The following PHF19 variants were observed in gnomAD, a reference collection of about 807,000 sequenced individuals.
The protein encoded by PHF19 is PHD finger protein 19.
PHF19 carries 21 observed loss-of-function variants against 79.8 expected under a neutral mutation model. The observed-to-expected ratio is 0.26, with a 90% confidence interval of 0.19 to 0.38. The LOEUF is 0.38. Among genes scored for constraint, PHF19 ranks in the 10% least tolerant of loss-of-function variants. The probability of loss-of-function intolerance (pLI) is 1.00; values close to 1 mark genes in which losing one functional copy is unlikely to be tolerated. For synonymous variants in PHF19, 273 were observed against 296.3 expected, an observed-to-expected ratio of 0.92 and a Z score of 0.81; for missense variants, 445 against 744.2, an observed-to-expected ratio of 0.60 and a Z score of 4.68.
chr9:120,873,671 G>T (rs2045967567), intron 3 of PHF19, among the ~76,000 whole-genome samples: 1 of 152,238 alleles, frequency 6.6e-6, no homozygotes, highest in South Asian at 2.1e-4. Flanking sequence ...CAGCTGTAGT[G>T]CAGCCAGGAA....
chr9:120,871,687 ATT>A (rs538026071), intron 3 of PHF19, among the ~76,000 whole-genome samples: 1 of 152,212 alleles, frequency 6.6e-6, no homozygotes, highest in Non-Finnish European at 1.5e-5. Flanking sequence ...CATTAAACAC[ATT>A]TTGATACGTG....
intron 14 of PHF19, 99 bp downstream of exon 14, chr9:120,859,991 A>G (rs2045471423): frequency 2.8e-6 from 2 of 710,632 alleles, no homozygotes; most frequent in South Asian, 1.5e-5. Context: ...AGACTGAGAC[A>G]CATAGAATGA....
At chr9:120,903,966 A>C in the PHF19 span, 1 of 152,254 alleles carries the variant, frequency 6.6e-6, no homozygotes, top group Admixed American at 6.5e-5. Context: ...GAAAACTTCG[A>C]AAGAGATTCT....
upstream of PHF19, among the ~76,000 whole-genome samples, chr9:120,880,397 A>G (rs951355639): frequency 6.6e-6 from 1 of 152,202 alleles, no homozygotes; most frequent in African/African-American, 2.4e-5. Context: ...TGGGAGGCTG[A>G]GACAGGAGAA....
intron 1 of PHF19, among the ~76,000 whole-genome samples, chr9:120,894,598 C>G (rs559127042): frequency 6.6e-5 from 10 of 152,062 alleles, no homozygotes; most frequent in Non-Finnish European, 1.2e-4. Flanking sequence ...GGCGCGCAGG[C>G]CCCGGCTGCC....
At chr9:120,889,486 C>A (rs1025142482) in intron 1 of PHF19, among the ~76,000 whole-genome samples, 1 of 149,224 alleles carries the variant, frequency 6.7e-6, no homozygotes, top group Non-Finnish European at 1.5e-5. Context: ...CCTGTAATTC[C>A]AGCACAGGAA....
At chr9:120,894,416 T>C (rs1395956306) in intron 1 of PHF19, among the ~76,000 whole-genome samples, 1 of 152,218 alleles carries the variant, frequency 6.6e-6, no homozygotes, top group Non-Finnish European at 1.5e-5. Flanking sequence ...CTCACATGTT[T>C]CCATTACTTT....
At chr9:120,888,228 G>C (rs189036278) in intron 1 of PHF19, among the ~76,000 whole-genome samples, 101 of 152,190 alleles carry the variant, frequency 6.6e-4, no homozygotes, top group Non-Finnish European at 1.1e-3. Flanking sequence ...TGCCCATCTC[G>C]GCCTCCCAAA....
Position 120,860,125 on chromosome 9 carries a change from A to G in PHF19, c.1365T>C (p.Ser455=). 6.2e-7 allele frequency: 1 copy of G among 1,600,908 alleles called. No homozygotes were observed. ...AGGAGAGGCTGGTGGAGGCAGAGCC[A>G]GAGGTGCTGGCAGCGTCGGTGGAGT... ...DVDSTDAAST[S]GSASTSLSYD... The change falls in exon 14 of 15, where the codon TCT becomes TCC. Residue 455 remains serine (S), a synonymous_variant. Transcript: ENST00000373896. This position sits in a 1 kb window ranked among gnomAD's most constrained non-coding sequence, Gnocchi z 4.1.
At chr9:120,887,979 C>G (rs1454902953) in intron 1 of PHF19, among the ~76,000 whole-genome samples, 1 of 151,802 alleles carries the variant, frequency 6.6e-6, no homozygotes, top group Admixed American at 6.6e-5. Flanking sequence ...TCTCTTGATT[C>G]CTTGTCCTCT....
intron 1 of PHF19, 182 bp downstream of exon 1, chr9:120,876,909 G>T: frequency 1.1e-6 from 1 of 923,780 alleles, no homozygotes; most frequent in Non-Finnish European, 1.3e-6. Flanking sequence ...CCCGGGTGGG[G>T]CCCCTCTGCC....
At chr9:120,903,793 G>A in the PHF19 span, 3 of 152,154 alleles carry the variant, frequency 2.0e-5, no homozygotes, top group African/African-American at 2.4e-5. Context: ...AAGCTGGGGT[G>A]GGTCTCATTA....
At chr9:120,887,097 A>AGAAAAGAAAG in intron 1 of PHF19, among the ~76,000 whole-genome samples, 1 of 151,736 alleles carries the variant, frequency 6.6e-6, no homozygotes, top group African/African-American at 2.4e-5. Context: ...AGAAAAGAAA[A>AGAAAAGAAAG]AAGAAAATTA....
Position 120,865,785 on chromosome 9 carries a change from G to T in PHF19, c.825C>A (p.Ser275Arg). 6.2e-7 allele frequency: 1 copy of T among 1,614,132 alleles called. No homozygotes were observed. Among genetic ancestry groups the T allele is most frequent in the Non-Finnish European group, 8.5e-7 (1 of 1,179,980 alleles). ...HLALYNLGVQ[S>R]KKKYFDFEEI... ...CCTCAAAGTCAAAGTACTTCTTCTT[G>T]CTCTGTACCCCCAGATTATAGAGGG... The change falls in exon 9 of 15, where the codon AGC becomes AGA. Residue 275 changes from serine (S) to arginine (R), a missense_variant. Physicochemically the swap from Ser to Arg is moderately radical, Grantham distance 110. This residue lies in a region of PHF19 where 167 missense variants were observed against 375.8 expected (regional missense o/e 0.44). Transcript: ENST00000373896.
Position 120,869,998 on chromosome 9 carries a change from C to T in PHF19, c.365-53G>A, listed in dbSNP as rs759020447. On this transcript the variant is annotated intron_variant, in intron 4 of 14. Coordinates refer to ENST00000373896, the MANE Select transcript of PHF19 (RefSeq NM_015651.3). This position sits in a 1 kb window ranked among gnomAD's most constrained non-coding sequence, Gnocchi z 5.8. ...CCCACAAGGACATCGTGGCCCAAGG[C>T]CAGTTGGCCCAAAGGAGGCAGGGCT... The T allele has an allele frequency of 4.1e-5, 63 of 1,537,562 alleles. No homozygotes were observed. The highest frequency in any genetic ancestry group is 2.2e-4 in the Middle Eastern group (1 of 4,516).
In PHF19 at chr9:120,874,496, C is replaced by G; in HGVS notation, c.186+60G>C. ...CCTGCCCCCTGGTCTGACAGCCAGG[C>G]TGGAACATGAGCAGAGAGATTCTGA... On this transcript the variant is annotated intron_variant, in intron 2 of 14. Coordinates refer to ENST00000373896, the MANE Select transcript of PHF19 (RefSeq NM_015651.3). The surrounding 1 kb of genome is among the most constrained non-coding windows in gnomAD (Gnocchi z 4.5). The G allele has an allele frequency of 1.7e-6, 2 of 1,163,156 alleles. No individual in the cohort carries two copies. 72.1% of individuals were successfully genotyped at this position (1,163,156 alleles called of 1,614,324 possible).
upstream of PHF19, among the ~76,000 whole-genome samples, chr9:120,879,661 G>A (rs531905549): frequency 2.0e-5 from 3 of 152,182 alleles, no homozygotes; most frequent in Admixed American, 6.5e-5. Flanking sequence ...CACAAGAAAG[G>A]TACGGTGTCA....
At position 120,862,050 on chromosome 9, in the gene PHF19, G is replaced by C. The variant is rs1353683045; in HGVS notation, c.1131-45C>G. 3 of 1,459,296 alleles carry C rather than the reference G, an allele frequency of 2.1e-6. No individual in the cohort carries two copies. The South Asian group carries it at 3.4e-5, about 17-fold the overall frequency. 90.4% of individuals were successfully genotyped at this position (1,459,296 alleles called of 1,614,324 possible). A position where few individuals can be genotyped will look rare whatever the true frequency, so the allele number is the denominator to read the frequency against. On this transcript the variant is annotated intron_variant, in intron 11 of 14. Coordinates refer to ENST00000373896, the MANE Select transcript of PHF19 (RefSeq NM_015651.3). This position sits in a 1 kb window ranked among gnomAD's most constrained non-coding sequence, Gnocchi z 4.6. ...AGAAGGTGGCCCCGTCAGAGCCTGA[G>C]GGCCCTAGGGTGGCCCAGAGGGAGG...
chr9:120,861,179 G>A lies in PHF19; in HGVS notation c.1219-5C>T, dbSNP rs746208098. 6.4e-7 allele frequency: 1 copy of A among 1,554,664 alleles called. No individual in the cohort carries two copies. The highest frequency in any genetic ancestry group is 1.1e-5 in the South Asian group (1 of 89,854). ...CCAGGCTGAGGTGAAGTCACTCTGT[G>A]GACACAGGAAGGAGAGAGGAAGGGT... On this transcript the variant is annotated splice_polypyrimidine_tract_variant and splice_region_variant and intron_variant, in intron 12 of 14. Transcript: ENST00000373896.
Sources: allele counts gnomAD v4.1 joint callset (sites outside exome capture counted in the v4.1 genomes callset), GRCh38; gene constraint gnomAD v4.1.1; regional missense constraint gnomAD v4.1.1; non-coding constraint Gnocchi (gnomAD v3.1); transcripts MANE v1.5; gene names NCBI Gene and HGNC (gene_info 2026-07-23, HGNC 2026-07-21).